Variants in GOPC observed in about 807,000 individuals in gnomAD.
The protein encoded by GOPC is golgi associated PDZ and coiled-coil motif containing, also known as Golgi-associated PDZ and coiled-coil motif-containing protein.
GOPC carries 32 observed loss-of-function variants against 51.2 expected under a neutral mutation model. The ratio of observed to expected loss-of-function variants is 0.63; its 90% confidence interval spans 0.47 to 0.84. The LOEUF (loss-of-function observed/expected upper bound fraction) is 0.84. GOPC is among the 40% of genes least tolerant of loss of function. The pLI, the probability that GOPC is intolerant of heterozygous loss-of-function variation, is 0.00. For missense variants in GOPC, 441 were observed against 555.5 expected (o/e 0.79, Z 2.07); for synonymous variants, 190 against 205.1 (o/e 0.93, Z 0.63).
Position 117,573,495 on chromosome 6 carries a change from T to C in GOPC, c.788A>G (p.Lys263Arg). ...GCCTGGTGGTGCTTGCATTGGTCGT[T>C]TCAAGTCATTACGTCCTCTGCAGGC... ...IRACRGRNDL[K>R]RPMQAPPGHD... Residue 263 changes from lysine (K) to arginine (R), a missense_variant, in exon 5 of 9, where the codon AAA (lysine) becomes AGA (arginine). Around this residue, in one of 3 missense-constraint regions of GOPC, gnomAD observed 166 missense variants for 267.0 expected, o/e 0.62. Transcript: ENST00000368498. 1 of 1,613,990 alleles carries C rather than the reference T, an allele frequency of 6.2e-7. No individual in the cohort carries two copies.
chr6:117,590,955 C>T (rs552991623), intron 1 of GOPC, among the ~76,000 whole-genome samples: 122 of 152,200 alleles, frequency 8.0e-4, no homozygotes, highest in Admixed American at 7.3e-3. Flanking sequence ...CAGGTTCAAG[C>T]GATTCTCCTG....
intron 5 of GOPC, among the ~76,000 whole-genome samples, chr6:117,571,222 A>C (rs1779801389): frequency 6.6e-6 from 1 of 152,184 alleles, no homozygotes; most frequent in African/African-American, 2.4e-5. Context: ...GGGCATTATA[A>C]AAGAAATGAT....
chr6:117,587,557 T>C (rs1053256251), intron 1 of GOPC, among the ~76,000 whole-genome samples: 1 of 151,762 alleles, frequency 6.6e-6, no homozygotes, highest in Non-Finnish European at 1.5e-5. Flanking sequence ...TAATGAGCTG[T>C]ATGAAAGAAA....
Position 117,573,984 on chromosome 6 carries a change from G to A in GOPC, c.651-352C>T, listed in dbSNP as rs1252138924. On this transcript the variant is annotated intron_variant, in intron 4 of 8. Coordinates refer to ENST00000368498, the MANE Select transcript of GOPC (RefSeq NM_020399.4). ...AGATACTATTAAATGTTAGCTTTTA[G>A]ATGAGATAAATGGACAAAAATATTT... 2.0e-5 allele frequency among the ~76,000 whole-genome samples: 3 copies of A among 152,104 alleles called. No homozygotes were observed. The East Asian group carries it at 5.8e-4, about 29-fold the overall frequency.
chr6:117,599,029 T>C (rs1389317098), intron 1 of GOPC, among the ~76,000 whole-genome samples: 1 of 152,056 alleles, frequency 6.6e-6, no homozygotes, highest in African/African-American at 2.4e-5. Context: ...ATTATGTCAA[T>C]TAAAAATAAA....
At chr6:117,589,804 T>C (rs531820124) in intron 1 of GOPC, among the ~76,000 whole-genome samples, 1 of 152,202 alleles carries the variant, frequency 6.6e-6, no homozygotes, top group Non-Finnish European at 1.5e-5. Context: ...AGTTGCTCCA[T>C]GATCAAACTG....
chr6:117,575,108 G>T, intron 4 of GOPC, 69 bp downstream of exon 4: 1 of 1,209,102 alleles, frequency 8.3e-7, no homozygotes, highest in Non-Finnish European at 1.2e-6. Flanking sequence ...AAAGAAAGAA[G>T]TAAGAGTCAA....
intron 8 of GOPC, among the ~76,000 whole-genome samples, chr6:117,565,822 TGTTA>T (rs892718397): frequency 1.3e-5 from 2 of 152,158 alleles, no homozygotes; most frequent in African/African-American, 4.8e-5. Context: ...ATCCATACTT[TGTTA>T]GTCATTCATT....
intron 1 of GOPC, among the ~76,000 whole-genome samples, chr6:117,586,092 T>G (rs1780028328): frequency 6.6e-6 from 1 of 152,216 alleles, no homozygotes; most frequent in African/African-American, 2.4e-5. Flanking sequence ...CTCTTTATGT[T>G]TTAAAATGTT....
chr6:117,597,465 A>T (rs1034513616), intron 1 of GOPC, among the ~76,000 whole-genome samples: 4 of 152,170 alleles, frequency 2.6e-5, no homozygotes, highest in Admixed American at 1.3e-4. Context: ...TCAGATAAAA[A>T]GTTTCTCTTT....
chr6:117,561,033 A>G lies in GOPC; in HGVS notation c.*2221T>C, dbSNP rs931446986. 9.1e-6 allele frequency: 2 copies of G among 220,220 alleles called. No individual in the cohort carries two copies. The highest frequency in any genetic ancestry group is 5.8e-5 in the Admixed American group (1 of 17,348). The allele number at this position is 220,220 out of a possible 1,614,324, so 13.6% of individuals were successfully genotyped here. A position where few individuals can be genotyped will look rare whatever the true frequency, so the allele number is the denominator to read the frequency against. ...TTCTAAAATGAACTTTTAACTAGTT[A>G]CTTTCTAACACCGGACAGGAAGCTC... On this transcript the variant is annotated 3_prime_UTR_variant, in exon 9 of 9. Transcript: ENST00000368498.
intron 3 of GOPC, among the ~76,000 whole-genome samples, chr6:117,576,215 G>A (rs1293798773): frequency 6.6e-6 from 1 of 151,446 alleles, no homozygotes; most frequent in African/African-American, 2.4e-5. Flanking sequence ...CTAAATGCTA[G>A]ATATATTTAT....
At chr6:117,582,305 CACACATT>C (rs1330332436) in intron 1 of GOPC, among the ~76,000 whole-genome samples, 1 of 149,250 alleles carries the variant, frequency 6.7e-6, no homozygotes, top group Non-Finnish European at 1.5e-5. Flanking sequence ...CACACACACA[CACACATT>C]GATAGAGGCA....
chr6:117,598,117 G>A (rs1330288925), intron 1 of GOPC, among the ~76,000 whole-genome samples: 1 of 150,894 alleles, frequency 6.6e-6, no homozygotes, highest in Non-Finnish European at 1.5e-5. Context: ...CCAGCATTTC[G>A]AGAGGTTGAG....
intron 3 of GOPC, among the ~76,000 whole-genome samples, chr6:117,575,941 T>C (rs1320901384): frequency 6.6e-6 from 1 of 152,136 alleles, no homozygotes; most frequent in Non-Finnish European, 1.5e-5. Flanking sequence ...AATAGTATTG[T>C]TTCTATTGTA....
chr6:117,575,851 C>T (rs981069115), intron 3 of GOPC, among the ~76,000 whole-genome samples: 6 of 152,144 alleles, frequency 3.9e-5, no homozygotes, highest in African/African-American at 1.2e-4. Context: ...ATTCCCTATA[C>T]CCCCTTTGTC....
chr6:117,596,437 T>C (rs1394658756), intron 1 of GOPC, among the ~76,000 whole-genome samples: 1 of 152,212 alleles, frequency 6.6e-6, no homozygotes, highest in East Asian at 1.9e-4. Context: ...TGTGTTTGCT[T>C]TTGGGTTCTT....
chr6:117,602,366 G>A lies in GOPC; in HGVS notation c.-78C>T, dbSNP rs1010464346. The A allele has an allele frequency of 2.1e-6, 3 of 1,412,950 alleles. No homozygotes were observed. Among genetic ancestry groups the A allele is most frequent in the Admixed American group, 5.6e-5 (2 of 35,964 alleles). The allele number at this position is 1,412,950 out of a possible 1,614,324, so 87.5% of individuals were successfully genotyped here. On this transcript the variant is annotated 5_prime_UTR_variant, in exon 1 of 9. Transcript: ENST00000368498. ...CACGAAGGGAACTGCTGGGACTGAG[G>A]GGACCCCCGCGCGCGCGGGCACACT...
In GOPC at chr6:117,602,010, C is replaced by T; in HGVS notation, c.279G>A (p.Lys93=). 6.2e-7 allele frequency: 1 copy of T among 1,614,084 alleles called. No homozygotes were observed. The highest frequency in any genetic ancestry group is 8.5e-7 in the Non-Finnish European group (1 of 1,179,946). Residue 93 remains lysine, a synonymous_variant, in exon 1 of 9, where the codon AAG becomes AAA. Coordinates refer to ENST00000368498, the MANE Select transcript of GOPC (RefSeq NM_020399.4). ...GCCAGCACCCACGGCTCACCTCCAGCTTGTGGTTGATTTGAGACACAGACT... is the reference window on the plus strand; with the variant it reads ...GCCAGCACCCACGGCTCACCTCCAGTTTGTGGTTGATTTGAGACACAGACT... ...KAQSVSQINH[K]LEAQLVDLKS...
Sources: gnomAD v4.1 joint callset for allele counts (sites outside exome capture counted in the v4.1 genomes callset) on GRCh38, gnomAD v4.1.1 for gene constraint, gnomAD v4.1.1 regional missense constraint, MANE v1.5 for transcripts, NCBI Gene and HGNC (gene_info 2026-07-23, HGNC 2026-07-21) for gene names.